Variants in CKAP2 observed in about 807,000 individuals in gnomAD.
The protein encoded by CKAP2 is cytoskeleton associated protein 2, also known as cytoskeleton-associated protein 2.
In CKAP2, 46 loss-of-function variants were observed where a neutral mutation model predicts 58.4. The observed-to-expected ratio is 0.79, with a 90% confidence interval of 0.62 to 1.01. The LOEUF (loss-of-function observed/expected upper bound fraction) is 1.01, where lower values mean the gene tolerates loss of function less well. Among genes scored for constraint, CKAP2 ranks in the 50% least tolerant of loss-of-function variants. CKAP2 has a pLI of 0.00. For synonymous variants in CKAP2, 293 were observed against 280.9 expected, an observed-to-expected ratio of 1.04 and a Z score of -0.43; for missense variants, 809 against 796.4, an observed-to-expected ratio of 1.02 and a Z score of -0.19.
intron 4 of CKAP2, 83 bp downstream of exon 4, chr13:52,462,009 A>G: frequency 7.8e-7 from 1 of 1,280,564 alleles, no homozygotes; most frequent in Non-Finnish European, 1.0e-6. Context: ...CCTTGACTGC[A>G]TTAGAATTTT....
intron 5 of CKAP2, among the ~76,000 whole-genome samples, chr13:52,463,144 G>C (rs1247951457): frequency 6.6e-6 from 1 of 152,118 alleles, no homozygotes; most frequent in Non-Finnish European, 1.5e-5. Context: ...CACCATGTTG[G>C]TCAGGCTGGT....
chr13:52,468,141 T>G (rs1958708359), intron 6 of CKAP2, 137 bp from the exon 7 acceptor site: 3 of 557,568 alleles, frequency 5.4e-6, no homozygotes, highest in African/African-American at 3.9e-5. Context: ...TAATTGTAAG[T>G]GGTCTGAGAA....
In CKAP2 at chr13:52,461,865, G is replaced by A; in HGVS notation, c.1039G>A (p.Ala347Thr). ...SEPVDQRRHT[A>T]GKAIVDSRSA... ...GCCCGTTGACCAGCGAAGACATACTGCAGGAAAAGCAATTGTTGATAGTAG... is the reference window on the plus strand; with the variant it reads ...GCCCGTTGACCAGCGAAGACATACTACAGGAAAAGCAATTGTTGATAGTAG... Residue 347 changes from alanine (A) to threonine (T), a missense_variant, in exon 4 of 9, where the codon GCA becomes ACA. Physicochemically the swap from Ala to Thr is moderately conservative, Grantham distance 58 (BLOSUM62 0). This residue lies in a region of CKAP2 where 523 missense variants were observed against 492.4 expected (regional missense o/e 1.06). Transcript: ENST00000258607. The A allele has an allele frequency of 6.2e-7, 1 of 1,614,030 alleles. No individual in the cohort carries two copies. The highest frequency in any genetic ancestry group is 1.1e-5 in the South Asian group (1 of 91,028).
At chr13:52,471,719 C>T (rs993361391) in intron 7 of CKAP2, among the ~76,000 whole-genome samples, 1 of 152,198 alleles carries the variant, frequency 6.6e-6, no homozygotes, top group Admixed American at 6.5e-5. Context: ...CAGTTCCCAA[C>T]CTTTTTTCCC....
chr13:52,459,465 A>G (rs1958537108), intron 2 of CKAP2, among the ~76,000 whole-genome samples: 1 of 152,026 alleles, frequency 6.6e-6, no homozygotes, highest in South Asian at 2.1e-4. Flanking sequence ...TGGGATTACA[A>G]GCATTTGCCA....
intron 6 of CKAP2, among the ~76,000 whole-genome samples, chr13:52,467,251 G>A (rs1958693672): frequency 6.6e-6 from 1 of 152,056 alleles, no homozygotes; most frequent in African/African-American, 2.4e-5. Flanking sequence ...GGTAAATAAT[G>A]GTCACTTAGT....
chr13:52,472,899 T>C (rs1958778846), intron 7 of CKAP2, among the ~76,000 whole-genome samples: 1 of 152,136 alleles, frequency 6.6e-6, no homozygotes. Context: ...AAAAATTAGC[T>C]GGGTATGGTG....
intron 1 of CKAP2, chr13:52,455,941 G>T: frequency 1.7e-6 from 2 of 1,149,050 alleles, no homozygotes; most frequent in South Asian, 3.4e-5. Flanking sequence ...GGTCCGCTTG[G>T]GGGCGGGGCT....
chr13:52,462,938 C>T (rs921070560), intron 5 of CKAP2, among the ~76,000 whole-genome samples: 4 of 151,990 alleles, frequency 2.6e-5, no homozygotes, highest in Admixed American at 6.6e-5. Flanking sequence ...AGTTCATTTA[C>T]GTTTTGTTTG....
At chr13:52,457,122 CCTG>C (rs1217854854) in intron 2 of CKAP2, among the ~76,000 whole-genome samples, 1 of 152,106 alleles carries the variant, frequency 6.6e-6, no homozygotes, top group Non-Finnish European at 1.5e-5. Flanking sequence ...GTCTTGGACT[CCTG>C]ACCTTGAGAT....
intron 6 of CKAP2, chr13:52,465,982 C>T (rs910016650): frequency 1.2e-5 from 3 of 248,438 alleles, no homozygotes; most frequent in Non-Finnish European, 2.4e-5. Context: ...CATATATGCA[C>T]ACATATATGC....
intron 6 of CKAP2, 200 bp downstream of exon 6, chr13:52,465,665 G>A (rs1205133070): frequency 4.6e-6 from 3 of 649,774 alleles, no homozygotes; most frequent in Non-Finnish European, 8.4e-6. Context: ...GGAATAATCA[G>A]ATTTTAGAAA....
chr13:52,467,815 G>T (rs1360216155), intron 6 of CKAP2, among the ~76,000 whole-genome samples: 8 of 143,848 alleles, frequency 5.6e-5, no homozygotes, highest in East Asian at 2.0e-4. Flanking sequence ...TTTTGTTTTT[G>T]TTTTTTTTTT....
At chr13:52,466,954 G>GT (rs879875807) in intron 6 of CKAP2, among the ~76,000 whole-genome samples, 2,737 of 148,794 alleles carry the variant, frequency 0.018, 89 homozygotes, top group African/African-American at 0.063. Flanking sequence ...AATTTTTAAA[G>GT]TTTTTTTTTT....
chr13:52,455,883 G>A (rs1958469864), intron 1 of CKAP2: 2 of 1,024,238 alleles, frequency 2.0e-6, no homozygotes, highest in Non-Finnish European at 2.5e-6. Context: ...TCCGTTAGGC[G>A]AGGGGAAACG....
At chr13:52,460,999 A>C (rs769763485) in intron 3 of CKAP2, 25 bp downstream of exon 3, 1 of 1,608,514 alleles carries the variant, frequency 6.2e-7, no homozygotes, top group Admixed American at 1.7e-5. Context: ...TAGCACTCTT[A>C]AACTGTCCCC....
intron 4 of CKAP2, 40 bp from the exon 5 acceptor site, chr13:52,462,323 G>A (rs774008402): frequency 6.5e-7 from 1 of 1,545,390 alleles, no homozygotes; most frequent in Non-Finnish European, 8.8e-7. Context: ...AGTTCTGTCA[G>A]CAATTTCAAA....
In CKAP2 at chr13:52,473,873, G is replaced by T. The variant is rs1314196941; in HGVS notation, c.1591G>T (p.Glu531Ter). 7.4e-6 allele frequency: 12 copies of T among 1,612,878 alleles called. No homozygotes were observed. The highest frequency in any genetic ancestry group is 8.5e-6 in the Non-Finnish European group (10 of 1,179,504). ...TTGTGCAAGCAAGGAAGAAGTCAAAGAAGTCAGTATTGAAGATACAGGTGT... is the reference window on the plus strand; with the variant it reads ...TTGTGCAAGCAAGGAAGAAGTCAAATAAGTCAGTATTGAAGATACAGGTGT... ...KSCASKEEVK[E>*]VSIEDTGVDV... Residue 531 changes from glutamate to a stop codon, truncating the protein, a stop_gained, in exon 8 of 9, where the codon GAA (glutamate) becomes TAA (stop). Coordinates refer to ENST00000258607, the MANE Select transcript of CKAP2 (RefSeq NM_018204.5). LOFTEE classifies it high-confidence loss of function.
At chr13:52,472,493 GT>G (rs149612564) in intron 7 of CKAP2, among the ~76,000 whole-genome samples, 57 of 151,210 alleles carry the variant, frequency 3.8e-4, no homozygotes, top group African/African-American at 1.3e-3. Flanking sequence ...AAATTCAGAG[GT>G]TTTTTTTTCC....
Sources: gnomAD v4.1 joint callset for allele counts (sites outside exome capture counted in the v4.1 genomes callset) on GRCh38, gnomAD v4.1.1 for gene constraint, gnomAD v4.1.1 regional missense constraint, MANE v1.5 for transcripts, NCBI Gene and HGNC (gene_info 2026-07-23, HGNC 2026-07-21) for gene names.